Variants in MYO7B observed in about 807,000 individuals in gnomAD.
MYO7B encodes unconventional myosin-VIIb.
In MYO7B, 212 loss-of-function variants were observed where a neutral mutation model predicts 259.7. The ratio of observed to expected loss-of-function variants is 0.82; its 90% CI spans 0.73 to 0.91. MYO7B has a LOEUF of 0.91. Ranked by LOEUF, MYO7B falls within the 40% of genes least tolerant of loss-of-function variation. The pLI is 0.00. For missense variants in MYO7B, 2,732 were observed against 2,813.5 expected (o/e 0.97, Z 0.66); for synonymous variants, 1,197 against 1,166.4 (o/e 1.03, Z -0.54).
intron 7 of MYO7B, among the ~76,000 whole-genome samples, chr2:127,575,217 C>T (rs953752939): frequency 1.3e-5 from 2 of 152,156 alleles, no homozygotes; most frequent in Non-Finnish European, 2.9e-5. Flanking sequence ...GTCTCTTTAT[C>T]CCTATTGTAC....
intron 3 of MYO7B, 115 bp downstream of exon 3, chr2:127,564,381 G>C (rs1296702679): frequency 6.8e-6 from 5 of 738,820 alleles, no homozygotes; most frequent in Non-Finnish European, 1.1e-5. Flanking sequence ...GGCCAAGTGG[G>C]GACCTGGGTG....
chr2:127,610,121 G>A, intron 24 of MYO7B, 105 bp downstream of exon 24: 1 of 1,449,154 alleles, frequency 6.9e-7, no homozygotes, highest in Non-Finnish European at 9.2e-7. Context: ...AAGACCTGGA[G>A]CCCTGTCCTC....
rs1427735280 is a variant in MYO7B at position 127,564,070 on chromosome 2, A to G, written c.19-83A>G. 104 of 1,005,808 alleles carry G rather than the reference A, an allele frequency of 1.0e-4. 1 individual carries two copies. The South Asian group carries it at 1.7e-3, about 16-fold the overall frequency. 62.3% of individuals were successfully genotyped at this position (1,005,808 alleles called of 1,614,324 possible). ...CCTTGGGAGCTCTGGGCTGGAAGGC[A>G]TAGCCCCGAAGAGAAGTAAGTATCC... On this transcript the variant is annotated intron_variant, in intron 2 of 47. Coordinates refer to ENST00000409816, the MANE Select transcript of MYO7B (RefSeq NM_001393586.1).
rs990723039 is a variant in MYO7B, at chr2:127,576,799, G to A, written c.849+91G>A. On this transcript the variant is annotated intron_variant, in intron 8 of 47. Transcript: ENST00000409816. The surrounding 1 kb of genome is among the most constrained non-coding windows in gnomAD (Gnocchi z 4.9). ...CACCCTCCGCGACAGCTGCAGAGAA[G>A]CCCAACGCTGGCCGGGCCCCTGAGG... The A allele has an allele frequency of 1.1e-6, 1 of 906,502 alleles. No homozygotes were observed. The highest frequency in any genetic ancestry group is 2.7e-5 in the East Asian group (1 of 36,450). 56.2% of individuals were successfully genotyped at this position (906,502 alleles called of 1,614,324 possible). A position where few individuals can be genotyped will look rare whatever the true frequency, so the allele number is the denominator to read the frequency against.
rs1056860391 is a variant in MYO7B, at chr2:127,596,443, G to A, written c.2245-19G>A. On this transcript the variant is annotated intron_variant, in intron 18 of 47. Transcript: ENST00000409816. Reference sequence around the variant, plus strand: ...GGGTGAGGGTGAGCAGCCCAGTGACGGCGTCTCTCCTGTTCCAGGATCATC... The same window carrying A: ...GGGTGAGGGTGAGCAGCCCAGTGACAGCGTCTCTCCTGTTCCAGGATCATC... The A allele has an allele frequency of 3.1e-5, 50 of 1,599,192 alleles. No homozygotes were observed. The highest frequency in any genetic ancestry group is 3.8e-5 in the Non-Finnish European group (44 of 1,168,722).
intron 1 of MYO7B, among the ~76,000 whole-genome samples, chr2:127,545,312 T>C (rs534297482): frequency 1.3e-5 from 2 of 152,352 alleles, no homozygotes; most frequent in East Asian, 3.9e-4. Flanking sequence ...TTTACCACAG[T>C]GCATGGGCAG....
Position 127,634,214 on chromosome 2 carries a change from G to T in MYO7B, c.5550G>T (p.Val1850=). The T allele has an allele frequency of 6.2e-7, 1 of 1,602,962 alleles. No individual in the cohort carries two copies. Among genetic ancestry groups the T allele is most frequent in the Non-Finnish European group, 8.5e-7 (1 of 1,176,742 alleles). Residue 1850 remains valine (V), a synonymous_variant, in exon 41 of 48, where the codon GTG becomes GTT. Transcript: ENST00000409816. The part of the protein sequence containing the change: ...EVVANTRVRD[V]CDSIATRLQL... ...TTGCCAACACACGGGTGCGGGATGT[G>T]TGTGACAGCATTGCCACCAGGCTGC...
At position 127,582,311 on chromosome 2, in the gene MYO7B, A is replaced by G. The variant is rs1376837479; in HGVS notation, c.1208A>G (p.Tyr403Cys). The G allele has an allele frequency of 3.1e-6, 5 of 1,613,028 alleles. No homozygotes were observed. The highest frequency in any genetic ancestry group is 4.2e-6 in the Non-Finnish European group (5 of 1,179,610). ...DRRDAFVKGI[Y>C]GHLFLWIVKK... ...ACCCCCGTGTCTCTCCAGGGCATCT[A>G]TGGGCACCTCTTCCTGTGGATTGTC... is the stretch of plus-strand genomic sequence containing the variant. The change falls in exon 12 of 48, where the codon TAT becomes TGT. Residue 403 changes from tyrosine (Y) to cysteine (C), a missense_variant. Physicochemically the swap from Tyr to Cys is radical, Grantham distance 194. Around this residue, in one of 3 missense-constraint regions of MYO7B, gnomAD observed 1,906 missense variants for 2,026.4 expected, o/e 0.94. Transcript: ENST00000409816.
chr2:127,568,834 G>A (rs1353767689), intron 5 of MYO7B, among the ~76,000 whole-genome samples: 2 of 151,574 alleles, frequency 1.3e-5, no homozygotes, highest in Non-Finnish European at 2.9e-5. Context: ...GTGGGCGGAG[G>A]TTGCAGTGAG....
At position 127,559,595 on chromosome 2, in the gene MYO7B, C is replaced by T. The variant is rs540049912; in HGVS notation, c.-23-105C>T. 2.7e-5 allele frequency: 28 copies of T among 1,018,652 alleles called. No individual in the cohort carries two copies. Among genetic ancestry groups the T allele is most frequent in the African/African-American group, 4.8e-5 (3 of 62,980 alleles). 63.1% of individuals were successfully genotyped at this position (1,018,652 alleles called of 1,614,324 possible). A position where few individuals can be genotyped will look rare whatever the true frequency, so the allele number is the denominator to read the frequency against. On this transcript the variant is annotated intron_variant, in intron 1 of 47. Coordinates refer to ENST00000409816, the MANE Select transcript of MYO7B (RefSeq NM_001393586.1). The surrounding 1 kb of genome is among the most constrained non-coding windows in gnomAD (Gnocchi z 4.1). ...ATTGTTTTTGAGCCAGGTCCCATGC[C>T]GGGCACTTAGGGAAGTGTTGGTGAA...
chr2:127,574,311 G>A (rs982438022), intron 7 of MYO7B, among the ~76,000 whole-genome samples: 2 of 152,168 alleles, frequency 1.3e-5, no homozygotes, highest in African/African-American at 2.4e-5. Context: ...CAAAGCGGGT[G>A]GGTTACTTGA....
chr2:127,634,251 T>C lies in MYO7B; in HGVS notation c.5587T>C (p.Trp1863Arg), dbSNP rs954113618. Residue 1863 changes from tryptophan to arginine, a missense_variant, in exon 41 of 48, where the codon TGG becomes CGG. Coordinates refer to ENST00000409816, the MANE Select transcript of MYO7B (RefSeq NM_001393586.1). ...TGCCACCAGGCTGCAGCTGGCCTCC[T>C]GGGAGGGCTGCAGCCTCTTCATCAA... is the stretch of plus-strand genomic sequence containing the variant. Reference protein sequence around the residue: ...SIATRLQLASWEGCSLFIKIS... With the variant: ...SIATRLQLASREGCSLFIKIS... 1.3e-6 allele frequency: 2 copies of C among 1,594,016 alleles called. No individual in the cohort carries two copies. Among genetic ancestry groups the C allele is most frequent in the African/African-American group, 2.7e-5 (2 of 73,732 alleles).
chr2:127,636,446 G>A lies in MYO7B; in HGVS notation c.6124-99G>A. ...GGCTGGCCGTGAGGCTGGAGGGCGTGGGTGTATGTGTGTATGTGCGTGTGG... is the reference window on the plus strand; with the variant it reads ...GGCTGGCCGTGAGGCTGGAGGGCGTAGGTGTATGTGTGTATGTGCGTGTGG... On this transcript the variant is annotated intron_variant, in intron 45 of 47. Coordinates refer to ENST00000409816, the MANE Select transcript of MYO7B (RefSeq NM_001393586.1). The surrounding 1 kb of genome is among the most constrained non-coding windows in gnomAD (Gnocchi z 4.5). The A allele has an allele frequency of 1.4e-6, 2 of 1,416,154 alleles. No individual in the cohort carries two copies. Among genetic ancestry groups the A allele is most frequent in the Non-Finnish European group, 2.0e-6 (2 of 1,016,784 alleles). 87.7% of individuals were successfully genotyped at this position (1,416,154 alleles called of 1,614,324 possible). A position where few individuals can be genotyped will look rare whatever the true frequency, so the allele number is the denominator to read the frequency against.
Position 127,577,333 on chromosome 2 carries a change from C to T in MYO7B, c.849+625C>T, listed in dbSNP as rs1266387685. 2.0e-5 allele frequency among the ~76,000 whole-genome samples: 3 copies of T among 152,210 alleles called. No individual in the cohort carries two copies. The highest frequency in any genetic ancestry group is 2.0e-4 in the Admixed American group (3 of 15,288). On this transcript the variant is annotated intron_variant, in intron 8 of 47. Transcript: ENST00000409816. The surrounding 1 kb of genome is among the most constrained non-coding windows in gnomAD (Gnocchi z 5.2). ...CCCCTGCCTAGACTTCATGGGTCCC[C>T]CATCGCCAGTCTTGACCTCTAATCT...
chr2:127,600,071 A>G (rs1679906694), intron 19 of MYO7B, among the ~76,000 whole-genome samples: 1 of 152,166 alleles, frequency 6.6e-6, no homozygotes, highest in Non-Finnish European at 1.5e-5. Flanking sequence ...TGTAGAATTG[A>G]CGTGAATTTT....
rs1679517710 is a variant in MYO7B at position 127,590,535 on chromosome 2, C to T, written c.1992+306C>T. On this transcript the variant is annotated intron_variant, in intron 16 of 47. Transcript: ENST00000409816. This position sits in a 1 kb window ranked among gnomAD's most constrained non-coding sequence, Gnocchi z 4.6. ...CCCTTCTGTTAAGTCAGACTTGCTC[C>T]TGCCTGCAGGAATGCACTGAGGGTT... 6.6e-6 allele frequency among the ~76,000 whole-genome samples: 1 copy of T among 152,256 alleles called. No individual in the cohort carries two copies. Among genetic ancestry groups the T allele is most frequent in the South Asian group, 2.1e-4 (1 of 4,834 alleles).
chr2:127,634,835 T>C, intron 42 of MYO7B, 152 bp downstream of exon 42: 1 of 754,500 alleles, frequency 1.3e-6, no homozygotes, highest in Non-Finnish European at 2.2e-6. Context: ...GGCCCGGCGG[T>C]GAGGGCCAGC....
At chr2:127,548,569 C>T (rs1193621611) in intron 1 of MYO7B, among the ~76,000 whole-genome samples, 1 of 152,016 alleles carries the variant, frequency 6.6e-6, no homozygotes, top group African/African-American at 2.4e-5. Flanking sequence ...GTGCGTGCCA[C>T]CAAGCCTAGC....
Position 127,636,187 on chromosome 2 carries a change from A to G in MYO7B, c.6007-21A>G. 2 of 1,594,794 alleles carry G rather than the reference A, an allele frequency of 1.3e-6. No individual in the cohort carries two copies. Among genetic ancestry groups the G allele is most frequent in the Non-Finnish European group, 1.7e-6 (2 of 1,164,578 alleles). The stretch of plus-strand genomic sequence containing the variant: ...AGGGCCTCTGGGCACCCAAGTCCTT[A>G]CTGGCCCTCCTGTCCCCCAGAGCAT... On this transcript the variant is annotated intron_variant, in intron 44 of 47. Coordinates refer to ENST00000409816, the MANE Select transcript of MYO7B (RefSeq NM_001393586.1). This position sits in a 1 kb window ranked among gnomAD's most constrained non-coding sequence, Gnocchi z 4.5.
Sources: allele counts gnomAD v4.1 joint callset (sites outside exome capture counted in the v4.1 genomes callset), GRCh38; gene constraint gnomAD v4.1.1; regional missense constraint gnomAD v4.1.1; non-coding constraint Gnocchi (gnomAD v3.1); transcripts MANE v1.5; gene names NCBI Gene and HGNC (gene_info 2026-07-23, HGNC 2026-07-21).